Variants in EPHA3 observed in about 807,000 individuals in gnomAD.
EPHA3 encodes ephrin type-A receptor 3.
Under a neutral mutation model 107.1 loss-of-function variants are expected in EPHA3, and 42 were observed. That is an observed-to-expected ratio of 0.39 (90% CI 0.31 to 0.51). EPHA3 has a LOEUF of 0.51. Among genes scored for constraint, EPHA3 ranks in the 20% least tolerant of loss-of-function variants. EPHA3 has a pLI of 0.78. For missense variants in EPHA3, 1,183 were observed against 1,211.2 expected (o/e 0.98, Z 0.35); for synonymous variants, 461 against 424.8 (o/e 1.09, Z -1.05).
At chr3:89,374,478 C>A (rs1486711869) in intron 5 of EPHA3, among the ~76,000 whole-genome samples, 1 of 151,930 alleles carries the variant, frequency 6.6e-6, no homozygotes, top group Non-Finnish European at 1.5e-5. Flanking sequence ...TGTAAATGAG[C>A]TGACTTTTTT....
chr3:89,275,158 T>TTA (rs1705775539), intron 3 of EPHA3, among the ~76,000 whole-genome samples: 1 of 151,996 alleles, frequency 6.6e-6, no homozygotes, highest in African/African-American at 2.4e-5. Context: ...ACATCAGGTT[T>TTA]TATATATATC....
At chr3:89,334,410 G>A (rs1707352792) in intron 3 of EPHA3, among the ~76,000 whole-genome samples, 1 of 152,194 alleles carries the variant, frequency 6.6e-6, no homozygotes, top group South Asian at 2.1e-4. Context: ...TGAACATGAA[G>A]TTAATTTGTT....
At position 89,264,330 on chromosome 3, in the gene EPHA3, A is replaced by G. The variant is rs569611664; in HGVS notation, c.814+53810A>G. ...CTTGTCACAAGCAAGTGTGAAACCC[A>G]GTAGGGAAAATTCCACTGGGTTTCA... On this transcript the variant is annotated intron_variant, in intron 3 of 16. Transcript: ENST00000336596. Among the ~76,000 whole-genome samples the G allele has an allele frequency of 5.3e-5, 8 of 152,272 alleles. No homozygotes were observed. The South Asian group carries it at 1.7e-3, about 32-fold the overall frequency.
intron 2 of EPHA3, among the ~76,000 whole-genome samples, chr3:89,186,518 C>T (rs569324489): frequency 9.9e-5 from 15 of 152,194 alleles, no homozygotes; most frequent in African/African-American, 3.6e-4. Flanking sequence ...GAAATGAGAA[C>T]AACTCAAACT....
At position 89,308,602 on chromosome 3, in the gene EPHA3, ATT is replaced by A. The variant is rs11304817; in HGVS notation, c.815-32300_815-32299del. On this transcript the variant is annotated intron_variant, in intron 3 of 16. Transcript: ENST00000336596. Reference sequence around the variant, plus strand: ...TTATTTATGGACTACAGCCAAGGGAATTTTTTTTTTTTTTTAGTTTTCCAATA... The same window carrying A: ...TTATTTATGGACTACAGCCAAGGGAATTTTTTTTTTTTTAGTTTTCCAATA... Among the ~76,000 whole-genome samples the A allele has an allele frequency of 2.3e-3, 343 of 146,876 alleles. 1 individual carries two copies. Among genetic ancestry groups the A allele is most frequent in the African/African-American group, 5.6e-3 (225 of 39,830 alleles).
At chr3:89,336,514 T>G (rs1576318886) in intron 3 of EPHA3, among the ~76,000 whole-genome samples, 5 of 152,120 alleles carry the variant, frequency 3.3e-5, no homozygotes, top group Admixed American at 2.6e-4. Flanking sequence ...AAAAATACAT[T>G]TATAGAGATT....
intron 5 of EPHA3, among the ~76,000 whole-genome samples, chr3:89,383,057 T>C (rs184752028): frequency 6.6e-6 from 1 of 152,288 alleles, no homozygotes; most frequent in African/African-American, 2.4e-5. Flanking sequence ...AAACATACAA[T>C]GAATTATTCT....
chr3:89,204,346 A>G (rs915445158), intron 2 of EPHA3, among the ~76,000 whole-genome samples: 3 of 152,054 alleles, frequency 2.0e-5, no homozygotes, highest in Non-Finnish European at 4.4e-5. Flanking sequence ...CTTCCCACAT[A>G]TGCCCTTTTC....
chr3:89,349,756 A>T (rs1244123705), intron 5 of EPHA3, among the ~76,000 whole-genome samples: 1 of 150,172 alleles, frequency 6.7e-6, no homozygotes, highest in African/African-American at 2.4e-5. Flanking sequence ...AGCTGGTACC[A>T]GTTGTTCCTT....
chr3:89,192,804 T>C (rs1705750925), intron 2 of EPHA3, among the ~76,000 whole-genome samples: 1 of 152,036 alleles, frequency 6.6e-6, no homozygotes, highest in Non-Finnish European at 1.5e-5. Context: ...CATGTAATAT[T>C]AGGCAAATAA....
At chr3:89,356,097 T>C (rs1355226988) in intron 5 of EPHA3, among the ~76,000 whole-genome samples, 1 of 149,650 alleles carries the variant, frequency 6.7e-6, no homozygotes, top group African/African-American at 2.4e-5. Context: ...GGTTTTTTGT[T>C]CTTGCGATAG....
At chr3:89,408,234 G>A (rs1196426551) in intron 9 of EPHA3, 103 bp downstream of exon 9, 1 of 1,095,606 alleles carries the variant, frequency 9.1e-7, no homozygotes, top group East Asian at 2.4e-5. Context: ...GACTTCAAAA[G>A]TAGTTTTATG....
At chr3:89,327,112 C>T (rs1355232401) in intron 3 of EPHA3, among the ~76,000 whole-genome samples, 1 of 152,054 alleles carries the variant, frequency 6.6e-6, no homozygotes, top group Non-Finnish European at 1.5e-5. Flanking sequence ...CTTACCTTAT[C>T]TATCACACTG....
At chr3:89,342,213 T>C in intron 5 of EPHA3, 123 bp downstream of exon 5, 4 of 762,516 alleles carry the variant, frequency 5.2e-6, no homozygotes, top group Non-Finnish European at 8.2e-6. Context: ...TTTTGCCTTC[T>C]AACACATTTA....
At chr3:89,316,501 G>A (rs1224146806) in intron 3 of EPHA3, among the ~76,000 whole-genome samples, 9 of 103,194 alleles carry the variant, frequency 8.7e-5, no homozygotes, top group East Asian at 5.5e-4. Flanking sequence ...GTGTGTGTGT[G>A]TGTAATATAT....
Position 89,210,231 on chromosome 3 carries a change from C to T in EPHA3, c.525C>T (p.Asn175=). Residue 175 remains asparagine (N), a synonymous_variant, in exon 3 of 17, where the codon AAC becomes AAT. Coordinates refer to ENST00000336596, the MANE Select transcript of EPHA3 (RefSeq NM_005233.6). ...AGATTAGAGAAGTAGGTCCTGTCAA[C>T]AAGAAGGGATTTTATTTGGCATTTC... is the stretch of plus-strand genomic sequence containing the variant. ...NTEIREVGPV[N]KKGFYLAFQD... The T allele has an allele frequency of 6.2e-7, 1 of 1,614,012 alleles. No homozygotes were observed. The highest frequency in any genetic ancestry group is 8.5e-7 in the Non-Finnish European group (1 of 1,179,958).
chr3:89,242,444 T>A (rs1402755132), intron 3 of EPHA3, among the ~76,000 whole-genome samples: 2 of 152,208 alleles, frequency 1.3e-5, no homozygotes, highest in Non-Finnish European at 2.9e-5. Flanking sequence ...TTTGTTTGTT[T>A]GTTTGTTTTT....
Position 89,472,449 on chromosome 3 carries a change from T to A in EPHA3, c.2691-15T>A. The stretch of plus-strand genomic sequence containing the variant: ...ACTCCTGATCTGTCTCCCTTTGGTG[T>A]TTTTTTTCTTGCAGGCCATCAAACC... On this transcript the variant is annotated splice_polypyrimidine_tract_variant and intron_variant, in intron 15 of 16. Coordinates refer to ENST00000336596, the MANE Select transcript of EPHA3 (RefSeq NM_005233.6). 3 of 1,600,930 alleles carry A rather than the reference T, an allele frequency of 1.9e-6. No individual in the cohort carries two copies. The highest frequency in any genetic ancestry group is 2.6e-6 in the Non-Finnish European group (3 of 1,173,730).
chr3:89,269,611 T>C (rs925163900), intron 3 of EPHA3, among the ~76,000 whole-genome samples: 8 of 151,628 alleles, frequency 5.3e-5, no homozygotes, highest in African/African-American at 1.9e-4. Context: ...TTCTTTCTTT[T>C]TTTTTTTTAT....
Sources: gnomAD v4.1 joint callset for allele counts (sites outside exome capture counted in the v4.1 genomes callset) on GRCh38, gnomAD v4.1.1 for gene constraint, MANE v1.5 for transcripts, NCBI Gene and HGNC (gene_info 2026-07-23, HGNC 2026-07-21) for gene names.